The following MTA3 variants were observed in gnomAD, a reference collection of about 807,000 sequenced individuals.
MTA3 encodes metastasis associated 1 family member 3.
In MTA3, 34 loss-of-function variants were observed where a neutral mutation model predicts 83.5. The ratio of observed to expected loss-of-function variants is 0.41; its 90% CI spans 0.31 to 0.54. MTA3 has a LOEUF of 0.54. Among genes scored for constraint, MTA3 ranks in the 20% least tolerant of loss-of-function variants. The pLI is 0.33. For missense variants in MTA3, 761 were observed against 726.4 expected (o/e 1.05, Z -0.55); for synonymous variants, 303 against 252.7 (o/e 1.20, Z -1.89).
chr2:42,681,186 A>G (rs942593868), intron 8 of MTA3, among the ~76,000 whole-genome samples: 2 of 152,238 alleles, frequency 1.3e-5, no homozygotes, highest in African/African-American at 2.4e-5. Context: ...CTTGAAATAT[A>G]TAAGAAAACC....
At chr2:42,571,894 C>T (rs1228485953) in intron 2 of MTA3, among the ~76,000 whole-genome samples, 1 of 151,424 alleles carries the variant, frequency 6.6e-6, no homozygotes, top group Non-Finnish European at 1.5e-5. Context: ...TGGCAGTGAG[C>T]CAAGATCACG....
intron 2 of MTA3, among the ~76,000 whole-genome samples, chr2:42,532,451 A>G (rs1676023896): frequency 6.6e-6 from 1 of 152,200 alleles, no homozygotes; most frequent in South Asian, 2.1e-4. Flanking sequence ...CAGAGGTTGC[A>G]GTGAGCCAAG....
intron 2 of MTA3, among the ~76,000 whole-genome samples, chr2:42,511,218 A>G (rs529266868): frequency 3.3e-5 from 5 of 152,286 alleles, no homozygotes; most frequent in African/African-American, 1.2e-4. Flanking sequence ...CACACTTAAT[A>G]ATTGATATAC....
chr2:42,688,486 T>G (rs1329838898), intron 9 of MTA3, among the ~76,000 whole-genome samples: 1 of 152,246 alleles, frequency 6.6e-6, no homozygotes, highest in Admixed American at 6.5e-5. Flanking sequence ...TAAGCCTCTT[T>G]TCATGTGTTT....
chr2:42,656,716 A>C (rs1689202680), intron 7 of MTA3, among the ~76,000 whole-genome samples: 1 of 152,204 alleles, frequency 6.6e-6, no homozygotes, highest in Admixed American at 6.5e-5. Flanking sequence ...TAAGCATAGC[A>C]CTTTGCCTTG....
intron 16 of MTA3, among the ~76,000 whole-genome samples, chr2:42,734,249 C>G (rs1413959311): frequency 1.3e-5 from 2 of 151,096 alleles, no homozygotes; most frequent in South Asian, 2.1e-4. Context: ...GTTACTGCCT[C>G]TTACTGAATT....
intron 4 of MTA3, among the ~76,000 whole-genome samples, chr2:42,632,251 C>T (rs979244010): frequency 3.3e-5 from 5 of 151,878 alleles, no homozygotes; most frequent in African/African-American, 7.2e-5. Flanking sequence ...CCACCATGCC[C>T]GGCTAATTTT....
chr2:42,572,411 C>T (rs2103838595), intron 2 of MTA3, among the ~76,000 whole-genome samples: 1 of 151,594 alleles, frequency 6.6e-6, no homozygotes, highest in East Asian at 1.9e-4. Flanking sequence ...TAGGGAAACC[C>T]TGCCTCTACC....
intron 9 of MTA3, among the ~76,000 whole-genome samples, chr2:42,686,990 G>C (rs542375280): frequency 6.6e-6 from 1 of 151,992 alleles, no homozygotes; most frequent in South Asian, 2.1e-4. Context: ...AGCTGGGCCT[G>C]GTGGCACATG....
chr2:42,733,683 G>C (rs933197272), intron 16 of MTA3, among the ~76,000 whole-genome samples: 6 of 152,076 alleles, frequency 3.9e-5, no homozygotes, highest in Non-Finnish European at 7.4e-5. Context: ...TTGTTTTGTA[G>C]AGACAGGGTC....
chr2:42,607,561 C>T (rs1021341425), intron 3 of MTA3, among the ~76,000 whole-genome samples: 3 of 151,874 alleles, frequency 2.0e-5, no homozygotes, highest in African/African-American at 7.3e-5. Flanking sequence ...GATGTTTGGT[C>T]TTGAACTCCT....
intron 6 of MTA3, among the ~76,000 whole-genome samples, chr2:42,648,594 T>G (rs1688427516): frequency 6.6e-6 from 1 of 152,206 alleles, no homozygotes; most frequent in African/African-American, 2.4e-5. Context: ...ATTTTTAAAT[T>G]CATTTATGGC....
intron 2 of MTA3, chr2:42,532,833 T>G (rs1676040777): frequency 4.9e-6 from 2 of 406,242 alleles, no homozygotes; most frequent in South Asian, 4.6e-5. Context: ...ACAGTGTGCT[T>G]CTCTGGGTGG....
intron 4 of MTA3, among the ~76,000 whole-genome samples, chr2:42,633,970 G>A (rs1217479415): frequency 6.6e-6 from 1 of 152,038 alleles, no homozygotes; most frequent in African/African-American, 2.4e-5. Flanking sequence ...GAAAACCATA[G>A]TTTTCTTAAT....
At chr2:42,619,104 G>T (rs949397966) in intron 4 of MTA3, among the ~76,000 whole-genome samples, 1 of 152,172 alleles carries the variant, frequency 6.6e-6, no homozygotes, top group African/African-American at 2.4e-5. Context: ...GAGAAATAAT[G>T]ATTGCAAAAT....
chr2:42,533,712 G>A (rs1260546443), intron 2 of MTA3, among the ~76,000 whole-genome samples: 84 of 149,604 alleles, frequency 5.6e-4, no homozygotes, highest in African/African-American at 2.0e-3. Flanking sequence ...GGCGCCTGTA[G>A]TCCCAGATAC....
intron 8 of MTA3, among the ~76,000 whole-genome samples, chr2:42,672,681 A>G (rs1010001971): frequency 2.8e-5 from 4 of 143,584 alleles, no homozygotes; most frequent in African/African-American, 1.0e-4. Context: ...AAAAGTAATC[A>G]AAAGGTGTGA....
At chr2:42,610,675 T>G (rs1684080649) in intron 4 of MTA3, among the ~76,000 whole-genome samples, 1 of 152,142 alleles carries the variant, frequency 6.6e-6, no homozygotes, top group South Asian at 2.1e-4. Context: ...TACAAAATGT[T>G]TGAGCTCAAA....
intron 3 of MTA3, among the ~76,000 whole-genome samples, chr2:42,605,800 G>A (rs1285348336): frequency 2.6e-5 from 3 of 116,272 alleles, no homozygotes; most frequent in Admixed American, 8.2e-5. Context: ...GGGCAGAGGC[G>A]CCCCTCAGCT....
Sources: allele counts gnomAD v4.1 joint callset (sites outside exome capture counted in the v4.1 genomes callset), GRCh38; gene constraint gnomAD v4.1.1; transcripts MANE v1.5; gene names NCBI Gene and HGNC (gene_info 2026-07-23, HGNC 2026-07-21).